RBMS3: variants seen among roughly 807,000 people sequenced by gnomAD.
RBMS3 encodes RNA-binding motif, single-stranded-interacting protein 3.
A neutral mutation model predicts 66.8 loss-of-function variants in RBMS3; 27 were observed. That is an observed-to-expected ratio of 0.40 (90% CI 0.30 to 0.56). RBMS3 has a LOEUF of 0.56. Among genes scored for constraint, RBMS3 ranks in the 20% least tolerant of loss-of-function variants. The pLI is 0.40. For missense variants in RBMS3, 513 were observed against 549.5 expected (o/e 0.93, Z 0.66); for synonymous variants, 188 against 183.0 (o/e 1.03, Z -0.22).
chr3:29,757,211 C>A (rs966849421), intron 5 of RBMS3, among the ~76,000 whole-genome samples: 3 of 152,138 alleles, frequency 2.0e-5, no homozygotes, highest in Non-Finnish European at 4.4e-5. Context: ...ACAAAACATA[C>A]CCCTATCACT....
At position 29,771,087 on chromosome 3, in the gene RBMS3, T is replaced by A. The variant is rs73831017; in HGVS notation, c.637+8098T>A. On this transcript the variant is annotated intron_variant, in intron 6 of 14. Coordinates refer to ENST00000383767, the MANE Select transcript of RBMS3 (RefSeq NM_001003793.3). ...GAAAATATTTTAAGAGAAATGTGAA[T>A]GAAAACAGTAGGCAAGCTCTGAACT... 4.6e-4 allele frequency among the ~76,000 whole-genome samples: 70 copies of A among 152,152 alleles called. 1 individual carries two copies. The highest frequency in any genetic ancestry group is 1.6e-3 in the African/African-American group (68 of 41,570).
chr3:29,795,971 T>C (rs2057167717), intron 6 of RBMS3, among the ~76,000 whole-genome samples: 1 of 152,198 alleles, frequency 6.6e-6, no homozygotes, highest in South Asian at 2.1e-4. Flanking sequence ...TATGAACAAA[T>C]CATATAATTC....
chr3:29,965,019 C>T (rs886517494), intron 12 of RBMS3, among the ~76,000 whole-genome samples: 1 of 152,104 alleles, frequency 6.6e-6, no homozygotes, highest in African/African-American at 2.4e-5. Flanking sequence ...AGTCTCCAAT[C>T]TCATCCAGGT....
At chr3:29,820,915 G>A (rs189272883) in intron 6 of RBMS3, among the ~76,000 whole-genome samples, 15 of 152,254 alleles carry the variant, frequency 9.9e-5, no homozygotes, top group African/African-American at 3.4e-4. Flanking sequence ...GCAAGATCCC[G>A]TCTCAATAAA....
chr3:29,534,407 A>C (rs764311779), intron 3 of RBMS3, among the ~76,000 whole-genome samples: 8 of 152,220 alleles, frequency 5.3e-5, no homozygotes, highest in Non-Finnish European at 1.0e-4. Flanking sequence ...ACAAGGTCAT[A>C]GGTTTACCTC....
chr3:29,730,762 G>C (rs924019436), intron 4 of RBMS3: 1 of 649,734 alleles, frequency 1.5e-6, no homozygotes, highest in Admixed American at 6.3e-5. Context: ...TTTGTTTCCT[G>C]TTCTCATTTT....
In RBMS3 at chr3:29,794,334, C is replaced by A. The variant is rs985563494; in HGVS notation, c.637+31345C>A. On this transcript the variant is annotated intron_variant, in intron 6 of 14. Coordinates refer to ENST00000383767, the MANE Select transcript of RBMS3 (RefSeq NM_001003793.3). ...GGGCACGGTGGCTCACGCCTGTAAT[C>A]CCAGCACTTTGGGAGGCTGAGGCAG... Among the ~76,000 whole-genome samples the A allele has an allele frequency of 5.3e-5, 8 of 152,256 alleles. No individual in the cohort carries two copies. The South Asian group carries it at 8.3e-4, about 16-fold the overall frequency.
intron 6 of RBMS3, among the ~76,000 whole-genome samples, chr3:29,780,218 G>C (rs994618314): frequency 3.3e-5 from 5 of 151,790 alleles, no homozygotes; most frequent in African/African-American, 4.8e-5. Flanking sequence ...AACCAGATAT[G>C]CCCCTGAGCG....
chr3:29,920,525 C>A (rs2060744334), intron 10 of RBMS3, among the ~76,000 whole-genome samples: 1 of 152,148 alleles, frequency 6.6e-6, no homozygotes, highest in Non-Finnish European at 1.5e-5. Flanking sequence ...GATGATTTAA[C>A]CATGTGAGTT....
intron 3 of RBMS3, among the ~76,000 whole-genome samples, chr3:29,506,386 A>T (rs1340203186): frequency 6.6e-6 from 1 of 152,036 alleles, no homozygotes; most frequent in East Asian, 1.9e-4. Flanking sequence ...ATATTTATAG[A>T]TTTATGTATG....
At chr3:29,587,605 A>G (rs2047579171) in intron 4 of RBMS3, among the ~76,000 whole-genome samples, 1 of 151,620 alleles carries the variant, frequency 6.6e-6, no homozygotes. Context: ...ACAGTTTTAG[A>G]GTAGTAGAAT....
At chr3:29,968,899 G>T (rs1331136376) in intron 12 of RBMS3, among the ~76,000 whole-genome samples, 2 of 146,548 alleles carry the variant, frequency 1.4e-5, no homozygotes, top group Non-Finnish European at 3.0e-5. Flanking sequence ...TTTGACCCTA[G>T]TGATGGAATT....
intron 6 of RBMS3, among the ~76,000 whole-genome samples, chr3:29,769,192 A>T (rs952216434): frequency 3.3e-5 from 5 of 151,874 alleles, no homozygotes; most frequent in Non-Finnish European, 5.9e-5. Flanking sequence ...GTATGGAAAA[A>T]GACAAGAAGG....
At chr3:29,700,339 G>T (rs1418091741) in intron 4 of RBMS3, among the ~76,000 whole-genome samples, 4 of 152,148 alleles carry the variant, frequency 2.6e-5, no homozygotes, top group Non-Finnish European at 5.9e-5. Flanking sequence ...TCCATATGTT[G>T]CAGAATTAAC....
At chr3:29,830,373 C>T (rs2058340732) in intron 6 of RBMS3, among the ~76,000 whole-genome samples, 2 of 152,146 alleles carry the variant, frequency 1.3e-5, no homozygotes, top group Non-Finnish European at 1.5e-5. Flanking sequence ...AGACAACCAA[C>T]AGAATACCGT....
intron 2 of RBMS3, among the ~76,000 whole-genome samples, chr3:29,482,527 T>C (rs978487792): frequency 6.6e-6 from 1 of 152,044 alleles, no homozygotes; most frequent in Non-Finnish European, 1.5e-5. Flanking sequence ...GCAGAAGAGA[T>C]TTACATAGGC....
intron 3 of RBMS3, among the ~76,000 whole-genome samples, chr3:29,571,346 G>A (rs750726295): frequency 9.2e-5 from 14 of 151,908 alleles, no homozygotes; most frequent in Non-Finnish European, 1.9e-4. Flanking sequence ...CCATCTGTCC[G>A]TTTTTGCTTT....
chr3:29,661,002 G>A lies in RBMS3; in HGVS notation c.399+73797G>A, dbSNP rs115304871. On this transcript the variant is annotated intron_variant, in intron 4 of 14. Coordinates refer to ENST00000383767, the MANE Select transcript of RBMS3 (RefSeq NM_001003793.3). ...CACGGATACCCAGTATTTGGAGTAC[G>A]TGATCCTTTTTGCCCACTCTGACTC... is the stretch of plus-strand genomic sequence containing the variant. Among the ~76,000 whole-genome samples, 373 of 152,298 alleles carry A rather than the reference G, an allele frequency of 2.4e-3. 2 individuals are homozygous for A. Among genetic ancestry groups the A allele is most frequent in the African/African-American group, 7.7e-3 (322 of 41,570 alleles).
chr3:29,575,507 C>T (rs1361997512), intron 3 of RBMS3, among the ~76,000 whole-genome samples: 1 of 151,984 alleles, frequency 6.6e-6, no homozygotes, highest in East Asian at 1.9e-4. Context: ...GCTTGGTGTT[C>T]TATAACTTTC....
Sources: gnomAD v4.1 joint callset for allele counts (sites outside exome capture counted in the v4.1 genomes callset) on GRCh38, gnomAD v4.1.1 for gene constraint, MANE v1.5 for transcripts, NCBI Gene and HGNC (gene_info 2026-07-23, HGNC 2026-07-21) for gene names.